Variants in PLXNA4 observed in about 807,000 individuals in gnomAD.
The protein encoded by PLXNA4 is plexin A4.
Under a neutral mutation model 191.8 loss-of-function variants are expected in PLXNA4, and 44 were observed. The observed-to-expected ratio is 0.23, with a 90% CI of 0.18 to 0.29. The LOEUF is 0.29. Among genes scored for constraint, PLXNA4 ranks in the 10% least tolerant of loss-of-function variants. PLXNA4 has a pLI of 1.00. For synonymous variants in PLXNA4, 1,082 were observed against 1,009.5 expected (o/e 1.07, Z -1.36); for missense variants, 1,800 against 2,488.8 (o/e 0.72, Z 5.89).
chr7:132,501,808 T>G (rs1006114992), intron 2 of PLXNA4, among the ~76,000 whole-genome samples: 2 of 152,200 alleles, frequency 1.3e-5, no homozygotes, highest in African/African-American at 4.8e-5. Flanking sequence ...TACAGGGTCA[T>G]GGGCCATGAG....
intron 3 of PLXNA4, among the ~76,000 whole-genome samples, chr7:132,462,606 AT>A (rs1474778098): frequency 1.3e-5 from 2 of 152,012 alleles, no homozygotes; most frequent in Non-Finnish European, 2.9e-5. Flanking sequence ...TTAAAAAAAA[AT>A]AATTATTATT....
intron 3 of PLXNA4, among the ~76,000 whole-genome samples, chr7:132,332,775 A>C (rs1178342614): frequency 6.6e-6 from 1 of 151,420 alleles, no homozygotes; most frequent in Non-Finnish European, 1.5e-5. Flanking sequence ...TAGAAGGATC[A>C]TTTGAGCCCA....
At chr7:132,352,633 T>C (rs1399975115) in intron 3 of PLXNA4, among the ~76,000 whole-genome samples, 1 of 152,098 alleles carries the variant, frequency 6.6e-6, no homozygotes, top group Admixed American at 6.5e-5. Flanking sequence ...GTTCACACAC[T>C]ATGGGGAAGC....
intron 3 of PLXNA4, among the ~76,000 whole-genome samples, chr7:132,399,357 T>C (rs1019787138): frequency 6.6e-6 from 1 of 152,232 alleles, no homozygotes; most frequent in Non-Finnish European, 1.5e-5. Context: ...TCATGATCAC[T>C]TCTTCAGCAT....
intron 3 of PLXNA4, among the ~76,000 whole-genome samples, chr7:132,306,289 G>A (rs1017182956): frequency 3.3e-5 from 5 of 152,174 alleles, no homozygotes; most frequent in Admixed American, 1.3e-4. Context: ...GGCAGGCAGG[G>A]ATAGGTGAGG....
At chr7:132,579,082 A>G (rs749891753), upstream of PLXNA4, among the ~76,000 whole-genome samples, 2 of 152,096 alleles carry the variant, frequency 1.3e-5, no homozygotes, top group Non-Finnish European at 2.9e-5. Flanking sequence ...AGGCCCTGTC[A>G]CCCCAAGGTC....
chr7:132,342,645 C>G (rs1803074817), intron 3 of PLXNA4, among the ~76,000 whole-genome samples: 1 of 151,998 alleles, frequency 6.6e-6, no homozygotes, highest in South Asian at 2.1e-4. Flanking sequence ...TATGTTTTCC[C>G]TCAGAAGATA....
chr7:132,595,018 TAGACAGAC>T (rs200153876), intron 2 of PLXNA4, among the ~76,000 whole-genome samples: 1,162 of 31,552 alleles, frequency 0.037, 9 homozygotes, highest in Middle Eastern at 0.083. Context: ...GATAGATAGA[TAGACAGAC>T]AGACAGACAG....
At chr7:132,485,787 A>AAC (rs1041828833) in intron 3 of PLXNA4, among the ~76,000 whole-genome samples, 1 of 152,164 alleles carries the variant, frequency 6.6e-6, no homozygotes, top group Non-Finnish European at 1.5e-5. Context: ...TACCATCTGC[A>AAC]ACACACACAC....
At chr7:132,563,078 T>G (rs1352773069) in intron 1 of PLXNA4, among the ~76,000 whole-genome samples, 2 of 25,304 alleles carry the variant, frequency 7.9e-5, no homozygotes, top group Non-Finnish European at 7.9e-5. Context: ...TCCTCCTCCT[T>G]CTCCTCCTCC....
At chr7:132,160,995 G>A (rs571551386) in intron 24 of PLXNA4, among the ~76,000 whole-genome samples, 2 of 152,138 alleles carry the variant, frequency 1.3e-5, no homozygotes, top group South Asian at 4.1e-4. Flanking sequence ...GAAAACAATG[G>A]TGGAGAGACT....
At chr7:132,204,306 C>G (rs1479555083) in intron 10 of PLXNA4, among the ~76,000 whole-genome samples, 1 of 152,194 alleles carries the variant, frequency 6.6e-6, no homozygotes, top group African/African-American at 2.4e-5. Context: ...ATAGCAGACC[C>G]CTCTCAGTCT....
At chr7:132,189,872 G>T (rs1797033556) in intron 14 of PLXNA4, among the ~76,000 whole-genome samples, 1 of 152,012 alleles carries the variant, frequency 6.6e-6, no homozygotes, top group South Asian at 2.1e-4. Flanking sequence ...ACCCTTAAAT[G>T]CAAGGGGCCA....
At chr7:132,452,541 G>C (rs543709262) in intron 3 of PLXNA4, among the ~76,000 whole-genome samples, 1 of 152,314 alleles carries the variant, frequency 6.6e-6, no homozygotes, top group East Asian at 1.9e-4. Flanking sequence ...TCCCTGCAAG[G>C]CTCATTAGTG....
chr7:132,506,957 T>C (rs1431483538), intron 2 of PLXNA4, among the ~76,000 whole-genome samples: 1 of 152,242 alleles, frequency 6.6e-6, no homozygotes, highest in Non-Finnish European at 1.5e-5. Flanking sequence ...TACCTGACTG[T>C]GCTCTCATTT....
intron 3 of PLXNA4, among the ~76,000 whole-genome samples, chr7:132,326,425 G>A (rs1802359257): frequency 6.6e-6 from 1 of 152,184 alleles, no homozygotes; most frequent in Non-Finnish European, 1.5e-5. Context: ...GGAATCAGAT[G>A]CTCTGATGCC....
intron 3 of PLXNA4, among the ~76,000 whole-genome samples, chr7:132,382,440 G>A (rs1212906447): frequency 1.3e-5 from 2 of 152,136 alleles, no homozygotes; most frequent in Non-Finnish European, 2.9e-5. Context: ...GTAAAATGAG[G>A]ATGGCTGTTC....
At chr7:132,168,714 T>G in intron 21 of PLXNA4, 142 bp from the exon 22 acceptor site, 1 of 1,235,392 alleles carries the variant, frequency 8.1e-7, no homozygotes, top group Non-Finnish European at 1.1e-6. Flanking sequence ...TGTCAAGCCC[T>G]TAGCACTGAG....
At position 132,537,890 on chromosome 7, in the gene PLXNA4, A is replaced by C. The variant is rs796680456; in HGVS notation, c.-86-29111T>G. Among the ~76,000 whole-genome samples the C allele has an allele frequency of 1.2e-4, 18 of 152,340 alleles. 1 individual carries two copies. The highest frequency in any genetic ancestry group is 4.3e-4 in the African/African-American group (18 of 41,582). On this transcript the variant is annotated intron_variant, in intron 1 of 31. Transcript: ENST00000321063. ...GTGCACGGGCAGTGGGGGCCACCACAACCCGCACGCTCAGCCTGGACACAC... is the reference window on the plus strand; with the variant it reads ...GTGCACGGGCAGTGGGGGCCACCACCACCCGCACGCTCAGCCTGGACACAC...
Sources: gnomAD v4.1 joint callset for allele counts (sites outside exome capture counted in the v4.1 genomes callset) on GRCh38, gnomAD v4.1.1 for gene constraint, MANE v1.5 for transcripts, NCBI Gene and HGNC (gene_info 2026-07-23, HGNC 2026-07-21) for gene names.